Variants in SLC35F1 observed in about 807,000 individuals in gnomAD.
SLC35F1 encodes the protein solute carrier family 35 member F1.
Under a neutral mutation model 48.7 loss-of-function variants are expected in SLC35F1, and 14 were observed. The ratio of observed to expected loss-of-function variants is 0.29; its 90% confidence interval spans 0.19 to 0.45. The LOEUF is 0.45. SLC35F1 is among the 20% of genes least tolerant of loss of function. The pLI, the probability that SLC35F1 is intolerant of heterozygous loss-of-function variation, is 1.00. For missense variants in SLC35F1, 404 were observed against 500.0 expected, an observed-to-expected ratio of 0.81 and a Z score of 1.83; for synonymous variants, 190 against 202.2, an observed-to-expected ratio of 0.94 and a Z score of 0.51.
chr6:118,178,318 G>A (rs1044945299), intron 2 of SLC35F1, among the ~76,000 whole-genome samples: 17 of 152,040 alleles, frequency 1.1e-4, no homozygotes, highest in East Asian at 1.9e-4. Context: ...GGGGCCAACC[G>A]CTTGCCCATG....
intron 1 of SLC35F1, among the ~76,000 whole-genome samples, chr6:118,009,042 G>A (rs1777211396): frequency 6.6e-6 from 1 of 152,046 alleles, no homozygotes; most frequent in South Asian, 2.1e-4. Context: ...CTGTCGTGAA[G>A]TGTCATTTAT....
At chr6:117,977,122 T>C (rs559664695) in intron 1 of SLC35F1, among the ~76,000 whole-genome samples, 1 of 152,328 alleles carries the variant, frequency 6.6e-6, no homozygotes, top group Admixed American at 6.5e-5. Context: ...ATACATGTGA[T>C]GATTTCCTTA....
intron 7 of SLC35F1, among the ~76,000 whole-genome samples, chr6:118,294,820 TA>T (rs571494127): frequency 5.5e-4 from 78 of 142,296 alleles, no homozygotes; most frequent in Middle Eastern, 3.6e-3. Flanking sequence ...AAATAATTAC[TA>T]AAAAAAAAAA....
At position 117,923,638 on chromosome 6, in the gene SLC35F1, C is replaced by CATATGTATATATGTACATATGCAT. The variant is rs1562238573; in HGVS notation, c.173+15746_173+15747insTATATGTACATATGCATATATGTA. 1.2e-4 allele frequency among the ~76,000 whole-genome samples: 6 copies of CATATGTATATATGTACATATGCAT among 50,950 alleles called. 1 individual carries two copies. Among genetic ancestry groups the CATATGTATATATGTACATATGCAT allele is most frequent in the African/African-American group, 4.5e-4 (6 of 13,390 alleles). 33.4% of individuals were successfully genotyped at this position (50,950 alleles called of 152,430 possible). A position where few individuals can be genotyped will look rare whatever the true frequency, so the allele number is the denominator to read the frequency against. On this transcript the variant is annotated intron_variant, in intron 1 of 7. Coordinates refer to ENST00000360388, the MANE Select transcript of SLC35F1 (RefSeq NM_001029858.4). ...ACATATGTATATATACATATATGTACATATGTACATATGTACATATGTATA... is the reference window on the plus strand; with the variant it reads ...ACATATGTATATATACATATATGTACATATGTATATATGTACATATGCATATATGTACATATGTACATATGTATA...
rs557280264 is a variant in SLC35F1, at chr6:118,159,190, C to T, written c.349+4570C>T. ...GAGCAGAGATCGCGCCACTGCACTCCAGCCTGGGCCATAGAGCGAGACTCT... is the reference window on the plus strand; with the variant it reads ...GAGCAGAGATCGCGCCACTGCACTCTAGCCTGGGCCATAGAGCGAGACTCT... On this transcript the variant is annotated intron_variant, in intron 2 of 7. Coordinates refer to ENST00000360388, the MANE Select transcript of SLC35F1 (RefSeq NM_001029858.4). Among the ~76,000 whole-genome samples, 122 of 127,174 alleles carry T rather than the reference C, an allele frequency of 9.6e-4. 1 individual carries two copies. The highest frequency in any genetic ancestry group is 3.0e-3 in the South Asian group (12 of 4,012). The allele number at this position is 127,174 out of a possible 152,430, so 83.4% of individuals were successfully genotyped here.
chr6:118,188,368 G>A (rs1774688066), intron 2 of SLC35F1, among the ~76,000 whole-genome samples: 1 of 152,086 alleles, frequency 6.6e-6, no homozygotes, highest in African/African-American at 2.4e-5. Context: ...TGGCCAACAT[G>A]GTGAAACCCC....
At chr6:118,179,898 A>G (rs912225876) in intron 2 of SLC35F1, among the ~76,000 whole-genome samples, 2 of 152,096 alleles carry the variant, frequency 1.3e-5, no homozygotes, top group African/African-American at 4.8e-5. Context: ...AACAGTTGCC[A>G]ATATGGCATT....
At chr6:118,265,003 C>T (rs918626256) in intron 3 of SLC35F1, among the ~76,000 whole-genome samples, 4 of 152,232 alleles carry the variant, frequency 2.6e-5, no homozygotes, top group African/African-American at 9.6e-5. Flanking sequence ...GGCTCAGCCC[C>T]CAGCCATCAC....
rs1773627108 is a variant in SLC35F1, at chr6:118,126,524, ATTGGTAGC to A, written c.174-27917_174-27910del. Reference sequence around the variant, plus strand: ...TTTTTCCAATTCTGTGAAGAAAGCCATTGGTAGCTTGATGGGGATGGCATTGAATCTAT... The same window carrying A: ...TTTTTCCAATTCTGTGAAGAAAGCCATTGATGGGGATGGCATTGAATCTAT... On this transcript the variant is annotated intron_variant, in intron 1 of 7. Transcript: ENST00000360388. Among the ~76,000 whole-genome samples the A allele has an allele frequency of 4.0e-5, 6 of 151,750 alleles. No homozygotes were observed. In the South Asian group the frequency reaches 1.1e-3, roughly 27 times the overall value.
intron 1 of SLC35F1, among the ~76,000 whole-genome samples, chr6:117,913,180 A>T (rs539571661): frequency 1.6e-4 from 25 of 152,364 alleles, no homozygotes; most frequent in African/African-American, 5.8e-4. Context: ...CATTGTTCAG[A>T]CACATTAATT....
chr6:118,303,150 G>A (rs1382771556), intron 7 of SLC35F1, among the ~76,000 whole-genome samples: 1 of 152,096 alleles, frequency 6.6e-6, no homozygotes, highest in African/African-American at 2.4e-5. Context: ...ACTGATGCAA[G>A]GGAGCTCATT....
At chr6:118,161,810 A>G (rs1422723838) in intron 2 of SLC35F1, among the ~76,000 whole-genome samples, 2 of 152,220 alleles carry the variant, frequency 1.3e-5, no homozygotes, top group African/African-American at 4.8e-5. Flanking sequence ...ATGTTATACA[A>G]ATATCATGCT....
intron 1 of SLC35F1, among the ~76,000 whole-genome samples, chr6:118,055,773 A>G (rs2114262616): frequency 6.6e-6 from 1 of 152,360 alleles, no homozygotes; most frequent in East Asian, 1.9e-4. Flanking sequence ...AGGAAGAAGT[A>G]GACAGGAGAG....
At chr6:117,923,651 G>GCATATATACATATA (rs1491359047) in intron 1 of SLC35F1, among the ~76,000 whole-genome samples, 1 of 17,502 alleles carries the variant, frequency 5.7e-5, no homozygotes, top group Non-Finnish European at 8.5e-5. Context: ...ATGTACATAT[G>GCATATATACATATA]TACATATGTA....
chr6:118,055,352 T>C (rs759219367), intron 1 of SLC35F1, among the ~76,000 whole-genome samples: 7 of 152,234 alleles, frequency 4.6e-5, no homozygotes, highest in Non-Finnish European at 7.3e-5. Flanking sequence ...TTTTTGATTC[T>C]TGGCAAATTA....
intron 1 of SLC35F1, among the ~76,000 whole-genome samples, chr6:118,045,458 G>T (rs575518076): frequency 1.3e-5 from 2 of 152,296 alleles, no homozygotes; most frequent in South Asian, 4.1e-4. Flanking sequence ...TCTCTGAACT[G>T]AGCTGCTACA....
At chr6:118,205,608 T>A (rs367697910) in intron 2 of SLC35F1, among the ~76,000 whole-genome samples, 2 of 152,178 alleles carry the variant, frequency 1.3e-5, no homozygotes, top group South Asian at 2.1e-4. Flanking sequence ...CAGTTAAATG[T>A]AGAACTACCA....
chr6:118,107,204 G>A (rs1359283180), intron 1 of SLC35F1, among the ~76,000 whole-genome samples: 1 of 152,090 alleles, frequency 6.6e-6, no homozygotes, highest in African/African-American at 2.4e-5. Context: ...AAAAAAACTG[G>A]ATCCTTTTTA....
chr6:118,268,705 G>T (rs941548242), intron 4 of SLC35F1, among the ~76,000 whole-genome samples: 2 of 147,948 alleles, frequency 1.4e-5, no homozygotes, highest in African/African-American at 2.5e-5. Flanking sequence ...CACCTCCCGG[G>T]TTCAAGTGAT....
Sources: gnomAD v4.1 joint callset for allele counts (sites outside exome capture counted in the v4.1 genomes callset) on GRCh38, gnomAD v4.1.1 for gene constraint, MANE v1.5 for transcripts, NCBI Gene and HGNC (gene_info 2026-07-23, HGNC 2026-07-21) for gene names.